Variants in NEDD4L observed in about 807,000 individuals in gnomAD.
NEDD4L encodes the protein E3 ubiquitin-protein ligase NEDD4-like.
A neutral mutation model predicts 148.9 loss-of-function variants in NEDD4L; 54 were observed. The observed-to-expected ratio is 0.36, with a 90% confidence interval of 0.29 to 0.45. NEDD4L has a LOEUF of 0.45. NEDD4L is among the 20% of genes least tolerant of loss of function. NEDD4L has a pLI of 1.00. For missense variants in NEDD4L, 856 were observed against 1,233.8 expected (o/e 0.69, Z 4.59); for synonymous variants, 433 against 440.7 (o/e 0.98, Z 0.22).
At chr18:58,229,193 T>C (rs1251187900) in intron 2 of NEDD4L, among the ~76,000 whole-genome samples, 1 of 152,228 alleles carries the variant, frequency 6.6e-6, no homozygotes, top group Non-Finnish European at 1.5e-5. Flanking sequence ...ACAGTGTCAA[T>C]GTCATTAGCA....
chr18:58,396,082 C>T lies in NEDD4L; in HGVS notation c.2826-85C>T, dbSNP rs28441489. ...AATTGTTGGTTAAGGCTTTTTTATT[C>T]TCTTACTCAAACCTCATGCCCTATT... On this transcript the variant is annotated intron_variant, in intron 30 of 30. Coordinates refer to ENST00000400345, the MANE Select transcript of NEDD4L (RefSeq NM_001144967.3). 5.5e-3 allele frequency: 4,692 copies of T among 858,388 alleles called. 130 individuals carry two copies. In the African/African-American group the frequency reaches 0.072, roughly 13 times the overall value. 53.2% of individuals were successfully genotyped at this position (858,388 alleles called of 1,614,324 possible). A position where few individuals can be genotyped will look rare whatever the true frequency, so the allele number is the denominator to read the frequency against.
chr18:58,377,614 C>T (rs1180275778), intron 24 of NEDD4L, among the ~76,000 whole-genome samples: 2 of 152,098 alleles, frequency 1.3e-5, no homozygotes, highest in African/African-American at 2.4e-5. Flanking sequence ...AAGAATAAGC[C>T]GTACCCCCAT....
intron 2 of NEDD4L, among the ~76,000 whole-genome samples, chr18:58,172,640 T>A (rs1354273573): frequency 2.0e-5 from 3 of 152,200 alleles, no homozygotes; most frequent in African/African-American, 7.2e-5. Flanking sequence ...CAGAAGTTAG[T>A]TAGAGGCTGT....
intron 5 of NEDD4L, among the ~76,000 whole-genome samples, chr18:58,290,229 C>T (rs1218509939): frequency 6.6e-6 from 1 of 152,168 alleles, no homozygotes; most frequent in Non-Finnish European, 1.5e-5. Flanking sequence ...GACTAATGCA[C>T]CAACCATTTA....
intron 24 of NEDD4L, among the ~76,000 whole-genome samples, chr18:58,373,934 A>G (rs1351299090): frequency 6.6e-6 from 1 of 152,144 alleles, no homozygotes; most frequent in Non-Finnish European, 1.5e-5. Context: ...TTCATCTGCC[A>G]CTCAGTAATA....
At chr18:58,325,694 G>A (rs1480162833) in intron 9 of NEDD4L, among the ~76,000 whole-genome samples, 1 of 152,128 alleles carries the variant, frequency 6.6e-6, no homozygotes, top group African/African-American at 2.4e-5. Context: ...ATCAGAATTA[G>A]TAATTACTGT....
At chr18:58,202,994 G>T (rs931722092) in intron 2 of NEDD4L, among the ~76,000 whole-genome samples, 1 of 151,832 alleles carries the variant, frequency 6.6e-6, no homozygotes, top group South Asian at 2.1e-4. Flanking sequence ...AAGAGACAAG[G>T]TTTTACTTCG....
Position 58,322,470 on chromosome 18 carries a change from C to A in NEDD4L, c.394C>A (p.Leu132Ile). ...GCGACCCTATACATTTAAGGACTTT[C>A]TCCTCAGACCAAGAAGGTGAGGCTT... ...MERPYTFKDF[L>I]LRPRSHKSRV... Residue 132 changes from leucine (L) to isoleucine (I), a missense_variant, in exon 7 of 31, where the codon CTC becomes ATC. Leu to Ile is a conservative substitution (Grantham distance 5). Around this residue, in one of 4 missense-constraint regions of NEDD4L, gnomAD observed 193 missense variants for 244.2 expected, o/e 0.79. Coordinates refer to ENST00000400345, the MANE Select transcript of NEDD4L (RefSeq NM_001144967.3). The A allele has an allele frequency of 6.2e-7, 1 of 1,603,474 alleles. No homozygotes were observed. Among genetic ancestry groups the A allele is most frequent in the Non-Finnish European group, 8.5e-7 (1 of 1,170,806 alleles).
At chr18:58,047,568 CTG>C in intron 1 of NEDD4L, 1 of 945,846 alleles carries the variant, frequency 1.1e-6, no homozygotes, top group Non-Finnish European at 1.3e-6. Flanking sequence ...TTAATTTTTT[CTG>C]TGTGTTTCGG....
At chr18:58,263,519 C>T (rs1021182351) in intron 5 of NEDD4L, among the ~76,000 whole-genome samples, 2 of 152,098 alleles carry the variant, frequency 1.3e-5, no homozygotes, top group Non-Finnish European at 2.9e-5. Context: ...CAAATCGTTT[C>T]TGATAGATTT....
intron 5 of NEDD4L, among the ~76,000 whole-genome samples, chr18:58,258,320 C>T (rs1046007614): frequency 2.0e-5 from 3 of 152,206 alleles, no homozygotes; most frequent in African/African-American, 7.2e-5. Flanking sequence ...AACACAATTC[C>T]ATGCTGAACT....
chr18:58,107,703 G>A (rs2085150137), intron 1 of NEDD4L, among the ~76,000 whole-genome samples: 1 of 150,030 alleles, frequency 6.7e-6, no homozygotes, highest in Non-Finnish European at 1.5e-5. Flanking sequence ...CTGGACAACA[G>A]AGCAAGACCC....
intron 2 of NEDD4L, among the ~76,000 whole-genome samples, chr18:58,219,873 G>A (rs568087876): frequency 8.5e-5 from 13 of 152,130 alleles, no homozygotes; most frequent in Non-Finnish European, 1.8e-4. Context: ...TAGGCAAATC[G>A]TTAAAAATAA....
At chr18:58,214,607 TTGTGTGTGTGTGTGTGTGTG>T (rs59608519) in intron 2 of NEDD4L, among the ~76,000 whole-genome samples, 2 of 145,316 alleles carry the variant, frequency 1.4e-5, no homozygotes, top group South Asian at 4.4e-4. Flanking sequence ...GCTGCTCGGT[TTGTGTGTGTGTGTGTGTGTG>T]TGTGTGTGTG....
chr18:58,138,719 C>T (rs922596744), intron 1 of NEDD4L, among the ~76,000 whole-genome samples: 1 of 152,146 alleles, frequency 6.6e-6, no homozygotes, highest in East Asian at 1.9e-4. Context: ...ATGGCCGTCA[C>T]CTTGTTATAT....
At chr18:58,063,975 T>C (rs1161745697) in intron 1 of NEDD4L, among the ~76,000 whole-genome samples, 11 of 100,048 alleles carry the variant, frequency 1.1e-4, no homozygotes, top group Admixed American at 1.0e-3. Context: ...TTTTTTTTTT[T>C]TTTTTTTGAG....
At chr18:58,239,345 T>C (rs1365913576) in intron 2 of NEDD4L, among the ~76,000 whole-genome samples, 2 of 152,290 alleles carry the variant, frequency 1.3e-5, no homozygotes, top group East Asian at 1.9e-4. Context: ...ACTTGAAAAA[T>C]GAAGACCTTT....
At chr18:58,284,274 G>A (rs370949064) in intron 5 of NEDD4L, among the ~76,000 whole-genome samples, 3 of 152,262 alleles carry the variant, frequency 2.0e-5, no homozygotes, top group East Asian at 1.9e-4. Flanking sequence ...GGACCCTCTC[G>A]GGAAAGTTTG....
At chr18:58,185,876 A>G (rs1161912575) in intron 2 of NEDD4L, among the ~76,000 whole-genome samples, 1 of 152,122 alleles carries the variant, frequency 6.6e-6, no homozygotes, top group Non-Finnish European at 1.5e-5. Context: ...TCTGTCTCAA[A>G]AAAAAAAAAT....
Sources: allele counts gnomAD v4.1 joint callset (sites outside exome capture counted in the v4.1 genomes callset), GRCh38; gene constraint gnomAD v4.1.1; regional missense constraint gnomAD v4.1.1; transcripts MANE v1.5; gene names NCBI Gene and HGNC (gene_info 2026-07-23, HGNC 2026-07-21).